CNTN4: variants seen among roughly 807,000 people sequenced by gnomAD.
The protein encoded by CNTN4 is contactin 4, also known as contactin-4.
In CNTN4, 77 loss-of-function variants were observed where a neutral mutation model predicts 122.5. The observed-to-expected ratio is 0.63, with a 90% CI of 0.52 to 0.76. The LOEUF (loss-of-function observed/expected upper bound fraction) is 0.76. CNTN4 is among the 30% of genes least tolerant of loss of function. CNTN4 has a pLI of 0.00. For synonymous variants in CNTN4, 512 were observed against 447.0 expected, an observed-to-expected ratio of 1.15 and a Z score of -1.83; for missense variants, 1,256 against 1,259.1, an observed-to-expected ratio of 1.00 and a Z score of 0.04.
At chr3:2,694,472 G>A (rs1017118128) in intron 4 of CNTN4, among the ~76,000 whole-genome samples, 2 of 152,152 alleles carry the variant, frequency 1.3e-5, no homozygotes, top group Middle Eastern at 3.2e-3. Flanking sequence ...GCCAGGTGCG[G>A]TGGCTCGCAC....
chr3:3,000,356 G>A (rs1695916933), intron 14 of CNTN4, among the ~76,000 whole-genome samples: 1 of 151,568 alleles, frequency 6.6e-6, no homozygotes, highest in Non-Finnish European at 1.5e-5. Flanking sequence ...TGTAGAAACT[G>A]AGGCTGGGTA....
intron 6 of CNTN4, among the ~76,000 whole-genome samples, chr3:2,801,511 A>T (rs1177629446): frequency 6.6e-6 from 1 of 152,208 alleles, no homozygotes; most frequent in African/African-American, 2.4e-5. Context: ...ATTAAATAAG[A>T]TAATTTTTCC....
chr3:2,298,219 A>G lies in CNTN4; in HGVS notation c.-144-40959A>G, dbSNP rs368925195. On this transcript the variant is annotated intron_variant, in intron 2 of 24. Coordinates refer to ENST00000418658, the MANE Select transcript of CNTN4 (RefSeq NM_175607.3). ...TATGTTTAAAAATAATTACAAATGT[A>G]TAATTTTAACCTCCTCCTTTAAGGT... 2.6e-5 allele frequency among the ~76,000 whole-genome samples: 4 copies of G among 152,348 alleles called. No individual in the cohort carries two copies. In the East Asian group the frequency reaches 7.7e-4, roughly 29 times the overall value.
chr3:2,120,202 T>C (rs1181045967), intron 2 of CNTN4, among the ~76,000 whole-genome samples: 1 of 151,466 alleles, frequency 6.6e-6, no homozygotes, highest in Non-Finnish European at 1.5e-5. Flanking sequence ...TAGAATCATA[T>C]AGGAGAAATA....
At chr3:2,503,418 C>T (rs1313152618) in intron 3 of CNTN4, among the ~76,000 whole-genome samples, 4 of 152,102 alleles carry the variant, frequency 2.6e-5, no homozygotes, top group African/African-American at 4.8e-5. Context: ...GGGGAAGTAT[C>T]GTCTTCATCT....
intron 4 of CNTN4, among the ~76,000 whole-genome samples, chr3:2,686,763 A>T (rs1011299750): frequency 4.6e-5 from 7 of 152,102 alleles, no homozygotes; most frequent in African/African-American, 1.7e-4. Flanking sequence ...AGCACATGCA[A>T]AGTTTGACCA....
chr3:2,527,932 A>C (rs1395936241), intron 3 of CNTN4, among the ~76,000 whole-genome samples: 1 of 152,048 alleles, frequency 6.6e-6, no homozygotes, highest in African/African-American at 2.4e-5. Flanking sequence ...TTTTGTTTTC[A>C]GATATATGTC....
At chr3:2,375,282 T>A (rs146393970) in intron 3 of CNTN4, among the ~76,000 whole-genome samples, 41 of 152,366 alleles carry the variant, frequency 2.7e-4, no homozygotes, top group African/African-American at 9.6e-4. Flanking sequence ...AAACAAACTT[T>A]GGCTTTGCCA....
At chr3:2,345,277 C>G (rs774605757) in intron 3 of CNTN4, among the ~76,000 whole-genome samples, 33 of 152,070 alleles carry the variant, frequency 2.2e-4, no homozygotes, top group Admixed American at 6.5e-4. Context: ...CCCTTTCAGA[C>G]ACATTTTAGA....
intron 3 of CNTN4, among the ~76,000 whole-genome samples, chr3:2,381,325 G>C (rs1041583484): frequency 2.0e-5 from 3 of 152,000 alleles, no homozygotes; most frequent in Admixed American, 1.3e-4. Context: ...TTTTTCTAGA[G>C]AGAAATGGGC....
intron 21 of CNTN4, 37 bp from the exon 22 acceptor site, chr3:3,042,940 G>C: frequency 6.4e-7 from 1 of 1,552,586 alleles, no homozygotes; most frequent in Non-Finnish European, 8.9e-7. Context: ...ATCCCCATTG[G>C]GTATGGTTTC....
intron 3 of CNTN4, among the ~76,000 whole-genome samples, chr3:2,340,837 C>T (rs1236019102): frequency 6.6e-6 from 1 of 150,970 alleles, no homozygotes; most frequent in African/African-American, 2.4e-5. Flanking sequence ...TGTAACAAAC[C>T]ACCCCAAAAC....
At chr3:2,302,466 C>G (rs1484576558) in intron 2 of CNTN4, among the ~76,000 whole-genome samples, 2 of 152,158 alleles carry the variant, frequency 1.3e-5, no homozygotes, top group African/African-American at 4.8e-5. Context: ...TTGTTTGGCT[C>G]TACGTTGGTT....
intron 6 of CNTN4, among the ~76,000 whole-genome samples, chr3:2,816,254 T>C (rs985559112): frequency 6.8e-6 from 1 of 147,748 alleles, no homozygotes; most frequent in Non-Finnish European, 1.5e-5. Context: ...CTCGGGAGGC[T>C]GAGGCAGGAG....
chr3:2,457,197 C>T (rs900698340), intron 3 of CNTN4, among the ~76,000 whole-genome samples: 1 of 152,108 alleles, frequency 6.6e-6, no homozygotes, highest in African/African-American at 2.4e-5. Context: ...GGCATACTTT[C>T]AATTGTTGTG....
rs77334449 is a variant in CNTN4, at chr3:2,728,456, G to T, written c.56-7759G>T. 7.6e-4 allele frequency among the ~76,000 whole-genome samples: 116 copies of T among 152,292 alleles called. 4 individuals carry two copies. The East Asian group carries it at 0.022, about 29-fold the overall frequency. On this transcript the variant is annotated intron_variant, in intron 4 of 24. Coordinates refer to ENST00000418658, the MANE Select transcript of CNTN4 (RefSeq NM_175607.3). ...ATTGGGTTCCCCCTTGGTGTGAGTG[G>T]TGAGGGAGAAAGTGAAATATGAGCA...
intron 2 of CNTN4, among the ~76,000 whole-genome samples, chr3:2,230,801 A>G (rs13073851): frequency 0.29 from 44,412 of 151,794 alleles, 6,656 homozygotes; most frequent in African/African-American, 0.33. Flanking sequence ...CATGGGCAAC[A>G]TAGCAAAAAC....
Position 2,287,904 on chromosome 3 carries a change from T to G in CNTN4, c.-144-51274T>G, listed in dbSNP as rs189388188. 2.6e-5 allele frequency among the ~76,000 whole-genome samples: 4 copies of G among 152,304 alleles called. No individual in the cohort carries two copies. In the East Asian group the frequency reaches 7.7e-4, roughly 29 times the overall value. ...GTATTACATTGCAAGAATACAAAAC[T>G]AATAAAAATGTATGAACTTATTGTA... On this transcript the variant is annotated intron_variant, in intron 2 of 24. Coordinates refer to ENST00000418658, the MANE Select transcript of CNTN4 (RefSeq NM_175607.3).
intron 3 of CNTN4, among the ~76,000 whole-genome samples, chr3:2,465,564 C>T (rs2075467386): frequency 6.6e-6 from 1 of 152,018 alleles, no homozygotes; most frequent in Non-Finnish European, 1.5e-5. Context: ...GTAGTCCCAG[C>T]TACTCAGGAG....
Sources: gnomAD v4.1 joint callset for allele counts (sites outside exome capture counted in the v4.1 genomes callset) on GRCh38, gnomAD v4.1.1 for gene constraint, MANE v1.5 for transcripts, NCBI Gene and HGNC (gene_info 2026-07-23, HGNC 2026-07-21) for gene names.